TTC28: variants seen among roughly 807,000 people sequenced by gnomAD.
The protein encoded by TTC28 is tetratricopeptide repeat protein 28.
A neutral mutation model predicts 198.0 loss-of-function variants in TTC28; 61 were observed. That is an observed-to-expected ratio of 0.31 (90% confidence interval 0.25 to 0.38). TTC28 has a LOEUF of 0.38. Ranked by LOEUF, TTC28 falls within the 10% of genes least tolerant of loss-of-function variation. The pLI, the probability that TTC28 is intolerant of heterozygous loss-of-function variation, is 1.00. For synonymous variants in TTC28, 1,171 were observed against 1,297.8 expected (o/e 0.90, Z 2.10); for missense variants, 2,678 against 3,164.0 (o/e 0.85, Z 3.69).
chr22:28,211,354 C>A (rs904722804), intron 5 of TTC28, among the ~76,000 whole-genome samples: 3 of 152,082 alleles, frequency 2.0e-5, no homozygotes, highest in Admixed American at 6.5e-5. Flanking sequence ...GATAAAGAGT[C>A]AAGACCCATC....
intron 3 of TTC28, among the ~76,000 whole-genome samples, chr22:28,301,892 C>A (rs953741099): frequency 1.3e-5 from 2 of 151,910 alleles, no homozygotes; most frequent in African/African-American, 4.8e-5. Flanking sequence ...CAAAAATTAG[C>A]TGGGTGTAGT....
chr22:28,254,751 A>G (rs1930773207), intron 5 of TTC28, among the ~76,000 whole-genome samples: 1 of 152,100 alleles, frequency 6.6e-6, no homozygotes, highest in South Asian at 2.1e-4. Flanking sequence ...ATGAGACCCA[A>G]AAGAGTAGTG....
intron 6 of TTC28, among the ~76,000 whole-genome samples, chr22:28,133,795 C>A (rs1943122067): frequency 6.6e-6 from 1 of 152,202 alleles, no homozygotes; most frequent in African/African-American, 2.4e-5. Context: ...CAGGGCATAG[C>A]CAAACAAAAG....
chr22:28,475,169 A>AAAAG (rs1453498513), intron 2 of TTC28, among the ~76,000 whole-genome samples: 25 of 150,264 alleles, frequency 1.7e-4, no homozygotes, highest in Non-Finnish European at 1.8e-4. Context: ...AAAAAAAAAA[A>AAAAG]AAAGAAAGAA....
At chr22:28,329,989 C>T (rs1377286551) in intron 2 of TTC28, among the ~76,000 whole-genome samples, 1 of 152,122 alleles carries the variant, frequency 6.6e-6, no homozygotes, top group Non-Finnish European at 1.5e-5. Flanking sequence ...CTACTTAGTC[C>T]CTGCCAACAG....
chr22:28,275,347 A>C (rs768654037), intron 5 of TTC28, among the ~76,000 whole-genome samples: 1 of 152,202 alleles, frequency 6.6e-6, no homozygotes, highest in Non-Finnish European at 1.5e-5. Context: ...TAAGACCACT[A>C]CATAGTTTGT....
intron 2 of TTC28, among the ~76,000 whole-genome samples, chr22:28,541,635 CA>C (rs755022596): frequency 5.8e-4 from 88 of 151,092 alleles, no homozygotes; most frequent in Non-Finnish European, 1.1e-3. Flanking sequence ...TAAAGATTGC[CA>C]AAATGACTGA....
chr22:28,280,520 T>A (rs1158714969), intron 5 of TTC28, among the ~76,000 whole-genome samples: 2 of 152,100 alleles, frequency 1.3e-5, no homozygotes, highest in Non-Finnish European at 2.9e-5. Flanking sequence ...GTATTTTTAA[T>A]AGAGATGGGG....
At chr22:28,178,669 G>A (rs1388692997) in intron 5 of TTC28, among the ~76,000 whole-genome samples, 1 of 152,130 alleles carries the variant, frequency 6.6e-6, no homozygotes, top group East Asian at 1.9e-4. Context: ...AGTTTGTAAA[G>A]GTAAGTTTAG....
intron 2 of TTC28, among the ~76,000 whole-genome samples, chr22:28,458,962 A>G (rs1173394868): frequency 2.0e-5 from 3 of 152,156 alleles, no homozygotes; most frequent in Admixed American, 6.6e-5. Context: ...TGCATCATGC[A>G]TCCCAATAAA....
intron 2 of TTC28, among the ~76,000 whole-genome samples, chr22:28,366,847 A>T (rs1024273551): frequency 1.3e-5 from 2 of 152,152 alleles, no homozygotes; most frequent in African/African-American, 2.4e-5. Flanking sequence ...AAAGAAGGTC[A>T]TTATCTAATG....
At chr22:28,300,397 TACA>T (rs1409339088) in intron 3 of TTC28, among the ~76,000 whole-genome samples, 1 of 152,130 alleles carries the variant, frequency 6.6e-6, no homozygotes, top group East Asian at 1.9e-4. Flanking sequence ...TCTAAAATTC[TACA>T]ACAATGGTAG....
At chr22:28,084,007 G>A (rs1941464754) in intron 12 of TTC28, among the ~76,000 whole-genome samples, 1 of 152,260 alleles carries the variant, frequency 6.6e-6, no homozygotes, top group Admixed American at 6.5e-5. Context: ...TAAACAAAGT[G>A]GCCAGGAAGC....
intron 2 of TTC28, among the ~76,000 whole-genome samples, chr22:28,413,433 A>G (rs950315323): frequency 6.6e-5 from 10 of 152,072 alleles, no homozygotes; most frequent in Admixed American, 5.2e-4. Context: ...TAAAAAAAAA[A>G]GTTTCTAGTC....
At chr22:28,057,051 C>T (rs1224527232) in intron 12 of TTC28, among the ~76,000 whole-genome samples, 2 of 152,168 alleles carry the variant, frequency 1.3e-5, no homozygotes, top group African/African-American at 4.8e-5. Flanking sequence ...TGATAGACAT[C>T]TGTGCTCCTT....
chr22:28,456,179 C>T (rs1438632901), intron 2 of TTC28, among the ~76,000 whole-genome samples: 2 of 149,432 alleles, frequency 1.3e-5, no homozygotes, highest in Admixed American at 1.3e-4. Context: ...AAAAAAAATG[C>T]TGGTATTTCT....
chr22:28,069,951 C>T (rs909500946), intron 12 of TTC28, among the ~76,000 whole-genome samples: 2 of 151,746 alleles, frequency 1.3e-5, no homozygotes, highest in Non-Finnish European at 2.9e-5. Context: ...CACACACACA[C>T]ACACACACAC....
intron 14 of TTC28, chr22:28,002,464 C>T (rs1003517254): frequency 1.3e-5 from 2 of 152,248 alleles, no homozygotes; most frequent in Non-Finnish European, 2.9e-5. Context: ...GTGCCACTCG[C>T]TTGTGCCTGG....
chr22:28,183,512 A>G (rs1042265179), intron 5 of TTC28, among the ~76,000 whole-genome samples: 3 of 152,148 alleles, frequency 2.0e-5, no homozygotes, highest in African/African-American at 7.2e-5. Flanking sequence ...ACATTCTATC[A>G]GGCCATTTCC....
Sources: allele counts gnomAD v4.1 joint callset (sites outside exome capture counted in the v4.1 genomes callset), GRCh38; gene constraint gnomAD v4.1.1; transcripts MANE v1.5; gene names NCBI Gene and HGNC (gene_info 2026-07-23, HGNC 2026-07-21).